Variants in RNF17 observed in about 807,000 individuals in gnomAD.
RNF17 encodes ring finger protein 17, also known as spermatogenesis associated 23.
RNF17 carries 31 observed loss-of-function variants against 200.5 expected under a neutral mutation model. The ratio of observed to expected loss-of-function variants is 0.15; its 90% CI spans 0.12 to 0.21. RNF17 has a LOEUF of 0.21. RNF17 is among the 10% of genes least tolerant of loss of function. The pLI is 1.00. For synonymous variants in RNF17, 606 were observed against 637.8 expected, an observed-to-expected ratio of 0.95 and a Z score of 0.75; for missense variants, 1,628 against 1,905.1, an observed-to-expected ratio of 0.85 and a Z score of 2.71.
At chr13:24,755,878 T>G in the RNF17 span, among the ~76,000 whole-genome samples, 1 of 152,202 alleles carries the variant, frequency 6.6e-6, no homozygotes, top group Non-Finnish European at 1.5e-5. Context: ...ATAATTATGT[T>G]GTTTCACCTT....
At chr13:24,787,639 TA>T (rs1425411295) in intron 6 of RNF17, among the ~76,000 whole-genome samples, 1 of 152,166 alleles carries the variant, frequency 6.6e-6, no homozygotes, top group Non-Finnish European at 1.5e-5. Flanking sequence ...CTTAATGTCC[TA>T]AAGAGTCTGA....
intron 33 of RNF17, 38 bp from the exon 34 acceptor site, chr13:24,876,959 G>A (rs9553460): frequency 0.27 from 400,121 of 1,488,942 alleles, 56,344 homozygotes; most frequent in Non-Finnish European, 0.29. Flanking sequence ...AGTTTCAGCC[G>A]GAAGAGAATT....
At chr13:24,748,132 AGC>A in the RNF17 span, among the ~76,000 whole-genome samples, 34,162 of 152,194 alleles carry the variant, frequency 0.22, 4,183 homozygotes, top group South Asian at 0.33. Context: ...CCAGGCAGGA[AGC>A]GAGGGTCAGG....
At chr13:24,868,465 G>A (rs1455151172) in intron 30 of RNF17, 135 bp from the exon 31 acceptor site, 6 of 264,742 alleles carry the variant, frequency 2.3e-5, no homozygotes, top group Middle Eastern at 1.1e-3. Context: ...GCGAGACTCC[G>A]TCTCAAAAAA....
At chr13:24,772,948 A>G (rs191312349) in intron 2 of RNF17, among the ~76,000 whole-genome samples, 1 of 152,274 alleles carries the variant, frequency 6.6e-6, no homozygotes, top group East Asian at 1.9e-4. Context: ...CAACCAGCCA[A>G]TAAACATGAA....
At chr13:24,757,718 T>C in the RNF17 span, among the ~76,000 whole-genome samples, 7 of 152,400 alleles carry the variant, frequency 4.6e-5, no homozygotes, top group South Asian at 1.4e-3. Flanking sequence ...TCAGTATTTC[T>C]ATAAATGTTT....
At chr13:24,751,225 G>A in the RNF17 span, 12 of 151,564 alleles carry the variant, frequency 7.9e-5, no homozygotes, top group Non-Finnish European at 1.5e-4. Context: ...GTAAGTTTTC[G>A]CACCTTGATT....
intron 10 of RNF17, among the ~76,000 whole-genome samples, chr13:24,793,658 T>A (rs1367896301): frequency 6.6e-6 from 1 of 152,210 alleles, no homozygotes; most frequent in Non-Finnish European, 1.5e-5. Flanking sequence ...TAGAGAGATG[T>A]GATTTGTGGA....
At position 24,874,264 on chromosome 13, in the gene RNF17, T is replaced by G. The variant is rs1417017644; in HGVS notation, c.4583+15T>G. 1.2e-5 allele frequency: 19 copies of G among 1,555,036 alleles called. No homozygotes were observed. Among genetic ancestry groups the G allele is most frequent in the Non-Finnish European group, 1.6e-5 (18 of 1,157,680 alleles). On this transcript the variant is annotated intron_variant, in intron 33 of 35. Coordinates refer to ENST00000255324, the MANE Select transcript of RNF17 (RefSeq NM_031277.3). ...ACATTAAACAGGTTAAAAATAAATG[T>G]CGGGGTGTTGAATTAGATTTCTTTT... is the stretch of plus-strand genomic sequence containing the variant.
At chr13:24,868,894 A>C (rs1397679376) in intron 31 of RNF17, among the ~76,000 whole-genome samples, 178 bp downstream of exon 31, 1 of 152,208 alleles carries the variant, frequency 6.6e-6, no homozygotes, top group Non-Finnish European at 1.5e-5. Context: ...GTTTAAGGCA[A>C]GTGTTTTTTA....
At chr13:24,782,606 G>C (rs763964691) in intron 6 of RNF17, among the ~76,000 whole-genome samples, 2 of 29,800 alleles carry the variant, frequency 6.7e-5, no homozygotes, top group East Asian at 2.5e-3. Context: ...AGGCTGAGAT[G>C]GGGGGGGGAT....
At chr13:24,784,711 C>A (rs1882864780) in intron 6 of RNF17, among the ~76,000 whole-genome samples, 1 of 151,694 alleles carries the variant, frequency 6.6e-6, no homozygotes, top group Admixed American at 6.6e-5. Flanking sequence ...TAATTTGATT[C>A]TTTTTCCTTT....
chr13:24,800,278 A>G (rs1208262197), intron 12 of RNF17, 88 bp from the exon 13 acceptor site: 2 of 875,862 alleles, frequency 2.3e-6, no homozygotes, highest in Admixed American at 2.5e-5. Flanking sequence ...AAGAAAAATT[A>G]TACTTAGAAA....
chr13:24,824,420 T>A (rs1888411955), intron 15 of RNF17: 1 of 383,800 alleles, frequency 2.6e-6, no homozygotes, highest in Non-Finnish European at 4.6e-6. Context: ...AATAACAAGA[T>A]AAGGATTCAG....
the RNF17 span, among the ~76,000 whole-genome samples, chr13:24,758,743 G>T: frequency 6.6e-6 from 1 of 152,064 alleles, no homozygotes; most frequent in Admixed American, 6.6e-5. Context: ...AAATAAAAAA[G>T]AAATAGAAGT....
intron 3 of RNF17, among the ~76,000 whole-genome samples, chr13:24,777,868 A>C (rs138150064): frequency 6.6e-6 from 1 of 152,216 alleles, no homozygotes; most frequent in East Asian, 1.9e-4. Flanking sequence ...TTCACTGTAC[A>C]TGTTCTTATA....
At chr13:24,753,769 TTG>T in the RNF17 span, among the ~76,000 whole-genome samples, 1 of 152,362 alleles carries the variant, frequency 6.6e-6, no homozygotes, top group African/African-American at 2.4e-5. Flanking sequence ...TTGTTTTGTT[TTG>T]TTTTTTTGAG....
chr13:24,856,884 A>ACTGTACCCTATTGTTT (rs1892566341), intron 25 of RNF17, among the ~76,000 whole-genome samples: 2 of 151,846 alleles, frequency 1.3e-5, no homozygotes. Flanking sequence ...TGTTTTATTC[A>ACTGTACCCTATTGTTT]CTGTACCCTA....
chr13:24,764,151 C>T (rs1879179356), upstream of RNF17: 10 of 1,520,874 alleles, frequency 6.6e-6, no homozygotes, highest in South Asian at 7.5e-5. Context: ...GTCGCTGCCG[C>T]GAGGGCCGCC....
Sources: gnomAD v4.1 joint callset for allele counts (sites outside exome capture counted in the v4.1 genomes callset) on GRCh38, gnomAD v4.1.1 for gene constraint, MANE v1.5 for transcripts, NCBI Gene and HGNC (gene_info 2026-07-23, HGNC 2026-07-21) for gene names.